Variants in VDR observed in about 807,000 individuals in gnomAD.
The protein encoded by VDR is vitamin D receptor.
In VDR, 19 loss-of-function variants were observed where a neutral mutation model predicts 39.7. The observed-to-expected ratio is 0.48, with a 90% CI of 0.33 to 0.70. The LOEUF (loss-of-function observed/expected upper bound fraction) is 0.70. Ranked by LOEUF, VDR falls within the 30% of genes least tolerant of loss-of-function variation. The pLI is 0.02. For missense variants in VDR, 442 were observed against 570.5 expected (o/e 0.77, Z 2.29); for synonymous variants, 242 against 215.8 (o/e 1.12, Z -1.07).
intron 4 of VDR, among the ~76,000 whole-genome samples, chr12:47,859,840 CCCTT>C (rs1404449370): frequency 2.1e-4 from 29 of 138,560 alleles, no homozygotes; most frequent in Middle Eastern, 3.7e-3. Flanking sequence ...CCCTTCCTTT[CCCTT>C]CCTTCCTTCC....
In VDR at chr12:47,891,957, G is replaced by A. The variant is rs117714889; in HGVS notation, c.-83-9183C>T. ...GCAGAACTCAGGAGAAGGCTGAGGT[G>A]GGTGCCGAGGGGCTGGAGTCAGGAG... On this transcript the variant is annotated intron_variant, in intron 1 of 9. Coordinates refer to ENST00000549336, the MANE Select transcript of VDR (RefSeq NM_000376.3). 7.5e-3 allele frequency among the ~76,000 whole-genome samples: 1,142 copies of A among 152,154 alleles called. 7 individuals carry two copies. Among genetic ancestry groups the A allele is most frequent in the South Asian group, 0.014 (69 of 4,820 alleles).
intron 1 of VDR, among the ~76,000 whole-genome samples, chr12:47,895,680 C>T (rs566074584): frequency 6.6e-6 from 1 of 152,160 alleles, no homozygotes; most frequent in East Asian, 1.9e-4. Context: ...GTTTGCCACC[C>T]GTCCTTCCCC....
intron 1 of VDR, 60 bp downstream of exon 1, chr12:47,904,895 A>G: frequency 3.3e-6 from 1 of 298,914 alleles, no homozygotes; most frequent in Non-Finnish European, 6.3e-6. Flanking sequence ...GGTATCCCAG[A>G]CGCCCCGACC....
At chr12:47,860,930 C>T (rs1188432292) in intron 4 of VDR, among the ~76,000 whole-genome samples, 2 of 152,234 alleles carry the variant, frequency 1.3e-5, no homozygotes, top group African/African-American at 4.8e-5. Context: ...AGGCACTATT[C>T]TGAGAGCCTT....
Position 47,844,325 on chromosome 12 carries a change from C to G in VDR, c.*421G>C, listed in dbSNP as rs1202485404. On this transcript the variant is annotated 3_prime_UTR_variant, in exon 10 of 10. Transcript: ENST00000549336. ...GAGTAGGCAGGAGAGGGAGACCCCA[C>G]TAGGCGCTGGACAAGCGGGGCCTGC... 4 of 304,122 alleles carry G rather than the reference C, an allele frequency of 1.3e-5. No homozygotes were observed. Among genetic ancestry groups the G allele is most frequent in the Admixed American group, 9.4e-5 (2 of 21,276 alleles). 18.8% of individuals were successfully genotyped at this position (304,122 alleles called of 1,614,324 possible). A position where few individuals can be genotyped will look rare whatever the true frequency, so the allele number is the denominator to read the frequency against.
Position 47,844,440 on chromosome 12 carries a change from C to T in VDR, c.*306G>A, listed in dbSNP as rs1046964920. The T allele has an allele frequency of 1.5e-5, 8 of 545,564 alleles. No homozygotes were observed. Among genetic ancestry groups the T allele is most frequent in the Non-Finnish European group, 2.3e-5 (7 of 301,838 alleles). 33.8% of individuals were successfully genotyped at this position (545,564 alleles called of 1,614,324 possible). A position where few individuals can be genotyped will look rare whatever the true frequency, so the allele number is the denominator to read the frequency against. On this transcript the variant is annotated 3_prime_UTR_variant, in exon 10 of 10. Transcript: ENST00000549336. ...CAACATCAGTCAGCAGCCACTTAGG[C>T]AGCGGTGGAGGCATCTCTGGGCAAG... is the stretch of plus-strand genomic sequence containing the variant.
chr12:47,861,415 A>G (rs1303817156), intron 4 of VDR, among the ~76,000 whole-genome samples: 1 of 152,252 alleles, frequency 6.6e-6, no homozygotes, highest in East Asian at 1.9e-4. Context: ...GGCCCAATCC[A>G]TGAGCCTTCT....
At chr12:47,904,521 G>T in intron 1 of VDR, 3 of 1,324,902 alleles carry the variant, frequency 2.3e-6, no homozygotes, top group Non-Finnish European at 3.1e-6. Context: ...CATCACAGGT[G>T]ACCATACCTG....
At chr12:47,893,854 G>A (rs950963472) in intron 1 of VDR, among the ~76,000 whole-genome samples, 1 of 152,234 alleles carries the variant, frequency 6.6e-6, no homozygotes, top group African/African-American at 2.4e-5. Context: ...TCCATATCCT[G>A]AGTCTGGCTG....
At chr12:47,896,084 C>T (rs1013747982) in intron 1 of VDR, among the ~76,000 whole-genome samples, 2 of 152,256 alleles carry the variant, frequency 1.3e-5, no homozygotes, top group Non-Finnish European at 2.9e-5. Flanking sequence ...ATGAAATGCA[C>T]TCTCTAAGCT....
chr12:47,871,322 CTTT>C (rs1945864871), intron 3 of VDR, among the ~76,000 whole-genome samples: 1 of 142,078 alleles, frequency 7.0e-6, no homozygotes, highest in Non-Finnish European at 1.5e-5. Flanking sequence ...TTCTTTCTTT[CTTT>C]CTTTCTTTCT....
At chr12:47,891,525 G>A (rs1000183206) in intron 1 of VDR, among the ~76,000 whole-genome samples, 4 of 147,350 alleles carry the variant, frequency 2.7e-5, no homozygotes, top group Non-Finnish European at 6.0e-5. Context: ...ATTTTGCTGA[G>A]CTGGGAAAAA....
rs1343101389 is a variant in VDR, at chr12:47,876,243, G to A, written c.146+2725C>T. On this transcript the variant is annotated intron_variant, in intron 3 of 9. Transcript: ENST00000549336. ...ACTGTGTGTGTGTGTGTGTGTGCAT[G>A]TGTGTGTTTGTTTATGTACATATCA... Among the ~76,000 whole-genome samples, 3 of 150,686 alleles carry A rather than the reference G, an allele frequency of 2.0e-5. No homozygotes were observed. The East Asian group carries it at 5.9e-4, about 29-fold the overall frequency.
chr12:47,848,510 G>T (rs1294835756), intron 7 of VDR, among the ~76,000 whole-genome samples: 2 of 143,918 alleles, frequency 1.4e-5, no homozygotes, highest in Non-Finnish European at 3.0e-5. Flanking sequence ...CTCTTATTTT[G>T]CCCGTCTCCT....
At chr12:47,893,918 A>G (rs1946416500) in intron 1 of VDR, among the ~76,000 whole-genome samples, 1 of 152,212 alleles carries the variant, frequency 6.6e-6, no homozygotes, top group African/African-American at 2.4e-5. Context: ...CCTCAGAGCT[A>G]TAATTGAAGA....
chr12:47,866,943 C>T (rs1057273499), intron 3 of VDR, among the ~76,000 whole-genome samples: 3 of 152,002 alleles, frequency 2.0e-5, no homozygotes, highest in Non-Finnish European at 4.4e-5. Flanking sequence ...TTGCAGTAGG[C>T]CAAGATCATG....
chr12:47,879,430 G>A (rs1342968919), intron 2 of VDR, among the ~76,000 whole-genome samples: 2 of 152,230 alleles, frequency 1.3e-5, no homozygotes, highest in Non-Finnish European at 2.9e-5. Flanking sequence ...TGCATTGGAA[G>A]AGGTGTTTTA....
At chr12:47,851,624 C>A (rs1945389281) in intron 7 of VDR, among the ~76,000 whole-genome samples, 1 of 152,190 alleles carries the variant, frequency 6.6e-6, no homozygotes, top group African/African-American at 2.4e-5. Flanking sequence ...GCAGCAGAAC[C>A]AGAGAGCTAC....
intron 1 of VDR, among the ~76,000 whole-genome samples, chr12:47,884,888 A>G (rs1385041289): frequency 6.6e-6 from 1 of 152,062 alleles, no homozygotes; most frequent in Non-Finnish European, 1.5e-5. Flanking sequence ...ATCCCATTCA[A>G]TAGATGGGCC....
Sources: gnomAD v4.1 joint callset for allele counts (sites outside exome capture counted in the v4.1 genomes callset) on GRCh38, gnomAD v4.1.1 for gene constraint, MANE v1.5 for transcripts, NCBI Gene and HGNC (gene_info 2026-07-23, HGNC 2026-07-21) for gene names.